The following DNER variants were observed in gnomAD, a reference collection of about 807,000 sequenced individuals.
The protein encoded by DNER is delta and Notch-like epidermal growth factor-related receptor.
DNER carries 33 observed loss-of-function variants against 78.2 expected under a neutral mutation model. The observed-to-expected ratio is 0.42, with a 90% CI of 0.32 to 0.56. The LOEUF is 0.56. Among genes scored for constraint, DNER ranks in the 20% least tolerant of loss-of-function variants. The pLI, the probability that DNER is intolerant of heterozygous loss-of-function variation, is 0.11. For missense variants in DNER, 918 were observed against 975.3 expected (o/e 0.94, Z 0.78); for synonymous variants, 417 against 384.8 (o/e 1.08, Z -0.98).
At chr2:229,618,266 T>C (rs1486093349) in intron 1 of DNER, among the ~76,000 whole-genome samples, 1 of 152,150 alleles carries the variant, frequency 6.6e-6, no homozygotes, top group African/African-American at 2.4e-5. Context: ...ACAAAAAGCT[T>C]CATGCTGTGA....
intron 1 of DNER, among the ~76,000 whole-genome samples, chr2:229,661,974 G>A (rs1188235894): frequency 6.6e-6 from 1 of 152,122 alleles, no homozygotes. Flanking sequence ...CCACAAGAAG[G>A]ATTTTCTTGT....
Position 229,358,146 on chromosome 2 carries a change from C to T in DNER, c.*394G>A, listed in dbSNP as rs1361249847. ...TAAGTAACGGGTATACTCTATTATA[C>T]ATCATATGCTACGTTACGTGGTTTT... On this transcript the variant is annotated 3_prime_UTR_variant, in exon 13 of 13. Transcript: ENST00000341772. 1.9e-5 allele frequency: 3 copies of T among 159,332 alleles called. No individual in the cohort carries two copies. Among genetic ancestry groups the T allele is most frequent in the Admixed American group, 1.2e-4 (2 of 16,140 alleles). 9.9% of individuals were successfully genotyped at this position (159,332 alleles called of 1,614,324 possible). A position where few individuals can be genotyped will look rare whatever the true frequency, so the allele number is the denominator to read the frequency against.
At chr2:229,711,825 G>A (rs1699917249) in intron 1 of DNER, among the ~76,000 whole-genome samples, 1 of 152,120 alleles carries the variant, frequency 6.6e-6, no homozygotes, top group Non-Finnish European at 1.5e-5. Context: ...TTGAGTATGT[G>A]TAGTTTCTCT....
chr2:229,615,563 T>A (rs964609939), intron 1 of DNER, among the ~76,000 whole-genome samples: 2 of 151,552 alleles, frequency 1.3e-5, no homozygotes, highest in Admixed American at 1.3e-4. Flanking sequence ...CAAAAAAAAA[T>A]TAGCCGGAAG....
intron 6 of DNER, among the ~76,000 whole-genome samples, chr2:229,484,951 T>A (rs561984022): frequency 7.4e-4 from 112 of 152,342 alleles, no homozygotes; most frequent in Non-Finnish European, 1.1e-3. Context: ...GGAATATTTA[T>A]AATCCCTAGC....
At chr2:229,556,675 G>T (rs1200883939) in intron 4 of DNER, among the ~76,000 whole-genome samples, 3 of 152,290 alleles carry the variant, frequency 2.0e-5, no homozygotes, top group Non-Finnish European at 2.9e-5. Context: ...AGTCTCTGAA[G>T]TTCTTAGAGA....
intron 1 of DNER, among the ~76,000 whole-genome samples, chr2:229,670,754 AGAGT>A (rs1191594075): frequency 2.0e-5 from 3 of 152,252 alleles, no homozygotes; most frequent in African/African-American, 7.2e-5. Flanking sequence ...CTCCGTCCAT[AGAGT>A]AGCCACCAGC....
intron 11 of DNER, among the ~76,000 whole-genome samples, chr2:229,378,489 C>T: frequency 6.6e-6 from 1 of 152,306 alleles, no homozygotes; most frequent in Admixed American, 6.5e-5. Context: ...ACTGTGGCTA[C>T]TGCAGAGGCA....
chr2:229,526,767 G>A (rs1362958926), intron 5 of DNER, among the ~76,000 whole-genome samples: 1 of 152,176 alleles, frequency 6.6e-6, no homozygotes, highest in Non-Finnish European at 1.5e-5. Flanking sequence ...CCAGTCTGTG[G>A]CCCAGAATGG....
chr2:229,709,070 G>C (rs1173247087), intron 1 of DNER, among the ~76,000 whole-genome samples: 1 of 152,174 alleles, frequency 6.6e-6, no homozygotes, highest in African/African-American at 2.4e-5. Context: ...CTAGTAGAGA[G>C]AAAAAGCTGT....
intron 1 of DNER, among the ~76,000 whole-genome samples, chr2:229,640,402 T>A (rs1443659052): frequency 6.6e-6 from 1 of 152,208 alleles, no homozygotes; most frequent in Admixed American, 6.5e-5. Flanking sequence ...AACATTATCA[T>A]CAGATGATAC....
chr2:229,391,578 A>G (rs1316071241), intron 10 of DNER, among the ~76,000 whole-genome samples: 1 of 151,924 alleles, frequency 6.6e-6, no homozygotes, highest in Non-Finnish European at 1.5e-5. Flanking sequence ...ATCTCACTCT[A>G]TCACCCAGGC....
chr2:229,389,593 A>G (rs991938181), intron 10 of DNER, among the ~76,000 whole-genome samples: 16 of 152,184 alleles, frequency 1.1e-4, no homozygotes, highest in African/African-American at 3.9e-4. Flanking sequence ...TTCAAAAGCA[A>G]TGTTTCAGTG....
chr2:229,416,582 G>A (rs1465197115), intron 9 of DNER, among the ~76,000 whole-genome samples: 1 of 152,160 alleles, frequency 6.6e-6, no homozygotes, highest in Admixed American at 6.5e-5. Flanking sequence ...GTAGCCATGA[G>A]ATCAGTACAC....
chr2:229,407,184 C>T (rs771134554), intron 10 of DNER, 48 bp downstream of exon 10: 12 of 1,548,292 alleles, frequency 7.8e-6, no homozygotes, highest in Middle Eastern at 1.7e-4. Context: ...TCTGCAATCT[C>T]GGGCACTTTG....
intron 1 of DNER, among the ~76,000 whole-genome samples, chr2:229,625,350 T>C (rs1698319862): frequency 6.6e-6 from 1 of 152,190 alleles, no homozygotes; most frequent in Admixed American, 6.5e-5. Context: ...TGACACCTGC[T>C]TCCCGATTCC....
At chr2:229,434,882 A>G (rs1166054880) in intron 8 of DNER, among the ~76,000 whole-genome samples, 1 of 150,806 alleles carries the variant, frequency 6.6e-6, no homozygotes. Flanking sequence ...TTTCTCCTCA[A>G]ATCTGCTTAC....
chr2:229,436,158 T>C lies in DNER; in HGVS notation c.1486+11158A>G, dbSNP rs574052643. On this transcript the variant is annotated intron_variant, in intron 8 of 12. Coordinates refer to ENST00000341772, the MANE Select transcript of DNER (RefSeq NM_139072.4). ...TTGTTCCCTTCTTTGTGTCCATATG[T>C]ACTCGAAGTTTAGCTCCCACTTATA... 5.9e-5 allele frequency among the ~76,000 whole-genome samples: 9 copies of C among 152,302 alleles called. No homozygotes were observed. In the East Asian group the frequency reaches 1.7e-3, roughly 29 times the overall value.
At chr2:229,474,674 ATCACAAGGGTCTC>A (rs1694995194) in intron 7 of DNER, among the ~76,000 whole-genome samples, 1 of 152,154 alleles carries the variant, frequency 6.6e-6, no homozygotes, top group Admixed American at 6.5e-5. Context: ...CCACTTGACT[ATCACAAGGGTCTC>A]TCACAAGGGT....
Sources: allele counts gnomAD v4.1 joint callset (sites outside exome capture counted in the v4.1 genomes callset), GRCh38; gene constraint gnomAD v4.1.1; transcripts MANE v1.5; gene names NCBI Gene and HGNC (gene_info 2026-07-23, HGNC 2026-07-21).